Variants in FBXW11 observed in about 807,000 individuals in gnomAD.
FBXW11 encodes the protein F-box/WD repeat-containing protein 11.
A neutral mutation model predicts 77.6 loss-of-function variants in FBXW11; 19 were observed. The ratio of observed to expected loss-of-function variants is 0.24; its 90% CI spans 0.17 to 0.36. The LOEUF is 0.36. Ranked by LOEUF, FBXW11 falls within the 10% of genes least tolerant of loss-of-function variation. The pLI is 1.00. For synonymous variants in FBXW11, 235 were observed against 249.4 expected, an observed-to-expected ratio of 0.94 and a Z score of 0.54; for missense variants, 334 against 704.2, an observed-to-expected ratio of 0.47 and a Z score of 5.95.
intron 2 of FBXW11, among the ~76,000 whole-genome samples, chr5:171,947,746 T>C (rs1438924282): frequency 2.0e-5 from 3 of 151,874 alleles, no homozygotes; most frequent in South Asian, 2.1e-4. Flanking sequence ...GGAGACGCCA[T>C]CTCTACAAAA....
intron 2 of FBXW11, chr5:171,916,575 C>G (rs571911088): frequency 4.1e-5 from 19 of 467,136 alleles, no homozygotes; most frequent in African/African-American, 3.8e-4. Flanking sequence ...TTATGGAGGT[C>G]TCTCCATGTA....
chr5:172,001,462 C>T (rs1766407453), intron 1 of FBXW11, among the ~76,000 whole-genome samples: 1 of 152,176 alleles, frequency 6.6e-6, no homozygotes, highest in African/African-American at 2.4e-5. Flanking sequence ...CCAACATTTC[C>T]TGAAAGCCTA....
Position 171,954,261 on chromosome 5 carries a change from C to T in FBXW11, c.147+3336G>A, listed in dbSNP as rs74794688. On this transcript the variant is annotated intron_variant, in intron 2 of 13. Coordinates refer to ENST00000517395, the MANE Select transcript of FBXW11 (RefSeq NM_001378974.1). ...TCACTACAGACTGGTGACTAGAGCA[C>T]TGGCTTTGCAGTCATCCAGATTATG... Among the ~76,000 whole-genome samples, 1,160 of 152,326 alleles carry T rather than the reference C, an allele frequency of 7.6e-3. 18 individuals carry two copies. The highest frequency in any genetic ancestry group is 0.026 in the African/African-American group (1,092 of 41,556).
chr5:171,983,889 A>G (rs1765291877), intron 1 of FBXW11, among the ~76,000 whole-genome samples: 1 of 152,164 alleles, frequency 6.6e-6, no homozygotes, highest in South Asian at 2.1e-4. Flanking sequence ...CAACTCACGT[A>G]TTCATCAATA....
At chr5:171,969,387 A>G (rs1764399230) in intron 1 of FBXW11, among the ~76,000 whole-genome samples, 2 of 152,212 alleles carry the variant, frequency 1.3e-5, no homozygotes, top group Admixed American at 6.5e-5. Context: ...TGAGAAATGT[A>G]TCTTCTCTCA....
intron 7 of FBXW11, among the ~76,000 whole-genome samples, chr5:171,889,201 A>G (rs1275413506): frequency 6.6e-6 from 1 of 152,234 alleles, no homozygotes; most frequent in Non-Finnish European, 1.5e-5. Context: ...ATGATCCATA[A>G]AAGAAAAAAC....
chr5:172,004,448 A>C (rs1766603331), intron 1 of FBXW11, among the ~76,000 whole-genome samples: 2 of 152,244 alleles, frequency 1.3e-5, no homozygotes, highest in South Asian at 2.1e-4. Flanking sequence ...TATCATGTAA[A>C]ATCAAAACTT....
intron 2 of FBXW11, among the ~76,000 whole-genome samples, chr5:171,929,720 C>CA (rs1762071103): frequency 6.6e-6 from 1 of 151,952 alleles, no homozygotes; most frequent in Non-Finnish European, 1.5e-5. Context: ...GGCATGGTGG[C>CA]AGGCGCCTGT....
intron 2 of FBXW11, among the ~76,000 whole-genome samples, chr5:171,929,232 G>A (rs1247450726): frequency 6.6e-6 from 1 of 151,926 alleles, no homozygotes; most frequent in Non-Finnish European, 1.5e-5. Context: ...ATGAGCCAGT[G>A]TGGTGGCACG....
intron 4 of FBXW11, 136 bp from the exon 5 acceptor site, chr5:171,900,236 T>C (rs922607946): frequency 1.2e-5 from 8 of 684,028 alleles, no homozygotes; most frequent in Non-Finnish European, 1.9e-5. Context: ...GTTCTACAGA[T>C]ACTCAAATCC....
intron 2 of FBXW11, among the ~76,000 whole-genome samples, chr5:171,933,502 G>T (rs754865689): frequency 6.6e-6 from 1 of 152,122 alleles, no homozygotes; most frequent in Non-Finnish European, 1.5e-5. Flanking sequence ...ATGGACTTCG[G>T]GTGATAATGG....
At chr5:171,923,950 G>C (rs533688534) in intron 2 of FBXW11, among the ~76,000 whole-genome samples, 1 of 98,162 alleles carries the variant, frequency 1.0e-5, no homozygotes, top group African/African-American at 4.1e-5. Context: ...TTTTGAGACA[G>C]AGTCTTGCTC....
intron 7 of FBXW11, among the ~76,000 whole-genome samples, chr5:171,890,454 C>T (rs1020516077): frequency 6.7e-6 from 1 of 149,116 alleles, no homozygotes; most frequent in Non-Finnish European, 1.5e-5. Context: ...TTGCTTGAAC[C>T]CAGGAGGCAG....
intron 1 of FBXW11, among the ~76,000 whole-genome samples, chr5:172,001,574 C>T (rs1261959427): frequency 6.6e-6 from 1 of 152,130 alleles, no homozygotes; most frequent in African/African-American, 2.4e-5. Flanking sequence ...ACAGAGGACA[C>T]AAACAGGTAA....
At chr5:171,902,742 C>T (rs769512327) in intron 4 of FBXW11, among the ~76,000 whole-genome samples, 2 of 152,204 alleles carry the variant, frequency 1.3e-5, no homozygotes, top group Non-Finnish European at 2.9e-5. Flanking sequence ...CAATGTTCTA[C>T]AATTTGAAAA....
intron 7 of FBXW11, among the ~76,000 whole-genome samples, chr5:171,885,875 C>G (rs1758843626): frequency 6.6e-6 from 1 of 152,090 alleles, no homozygotes; most frequent in African/African-American, 2.4e-5. Flanking sequence ...CTAATGGAAC[C>G]TGAGTTATTT....
At chr5:171,942,785 G>C (rs1762815966) in intron 2 of FBXW11, among the ~76,000 whole-genome samples, 1 of 152,130 alleles carries the variant, frequency 6.6e-6, no homozygotes, top group South Asian at 2.1e-4. Context: ...CTGGGTGACA[G>C]AGTAAGGCCC....
intron 1 of FBXW11, among the ~76,000 whole-genome samples, chr5:171,969,639 T>C (rs1764412232): frequency 6.6e-6 from 1 of 152,224 alleles, no homozygotes; most frequent in Non-Finnish European, 1.5e-5. Flanking sequence ...TCCTAAAGTA[T>C]GAAACATTTT....
intron 2 of FBXW11, among the ~76,000 whole-genome samples, chr5:171,919,870 C>T (rs565938336): frequency 7.9e-5 from 12 of 152,010 alleles, no homozygotes; most frequent in Non-Finnish European, 1.8e-4. Flanking sequence ...ACAAAGAAAA[C>T]ACAGGCTGGG....
Sources: allele counts gnomAD v4.1 joint callset (sites outside exome capture counted in the v4.1 genomes callset), GRCh38; gene constraint gnomAD v4.1.1; transcripts MANE v1.5; gene names NCBI Gene and HGNC (gene_info 2026-07-23, HGNC 2026-07-21).